Variants in TLE3 observed in about 807,000 individuals in gnomAD.
TLE3 encodes TLE family member 3, transcriptional corepressor.
A neutral mutation model predicts 93.0 loss-of-function variants in TLE3; 14 were observed. That is an observed-to-expected ratio of 0.15 (90% confidence interval 0.10 to 0.24). The LOEUF (loss-of-function observed/expected upper bound fraction) is 0.24, where lower values mean the gene tolerates loss of function less well. TLE3 is among the 10% of genes least tolerant of loss of function. The pLI, the probability that TLE3 is intolerant of heterozygous loss-of-function variation, is 1.00. For missense variants in TLE3, 693 were observed against 1,046.6 expected, an observed-to-expected ratio of 0.66 and a Z score of 4.66; for synonymous variants, 451 against 425.0, an observed-to-expected ratio of 1.06 and a Z score of -0.75.
Position 70,096,145 on chromosome 15 carries a change from C to T in TLE3, c.125+16G>A. Reference sequence around the variant, plus strand: ...CCCCTCCCCGCCAGCCCCGGGGCGGCCCCCACCGGCCTTACCTGTGATACT... The same window carrying T: ...CCCCTCCCCGCCAGCCCCGGGGCGGTCCCCACCGGCCTTACCTGTGATACT... On this transcript the variant is annotated intron_variant, in intron 2 of 19. Coordinates refer to ENST00000451782, the MANE Select transcript of TLE3 (RefSeq NM_001105192.3). 2 of 1,544,580 alleles carry T rather than the reference C, an allele frequency of 1.3e-6. No individual in the cohort carries two copies. Among genetic ancestry groups the T allele is most frequent in the Non-Finnish European group, 8.8e-7 (1 of 1,141,984 alleles).
intron 2 of TLE3, 167 bp downstream of exon 2, chr15:70,095,994 A>G: frequency 1.2e-6 from 1 of 843,406 alleles, no homozygotes; most frequent in East Asian, 2.7e-5. Context: ...TGCGGGCAGT[A>G]AAGGGTTAAG....
At chr15:70,083,110 C>T (rs1226355123) in intron 4 of TLE3, among the ~76,000 whole-genome samples, 1 of 152,168 alleles carries the variant, frequency 6.6e-6, no homozygotes, top group Non-Finnish European at 1.5e-5. Context: ...GAAGTCCAAT[C>T]TGAGTCCAGT....
chr15:70,076,588 G>A (rs2057457186), intron 4 of TLE3, among the ~76,000 whole-genome samples: 1 of 152,216 alleles, frequency 6.6e-6, no homozygotes, highest in African/African-American at 2.4e-5. Flanking sequence ...TGAGCTCTCA[G>A]ATAAATGGGA....
Position 70,049,933 on chromosome 15 carries a change from C to A in TLE3, c.*164G>T. On this transcript the variant is annotated 3_prime_UTR_variant, in exon 20 of 20. Transcript: ENST00000451782. ...ATCAATCCAGGCCCAGGAGTCCAGA[C>A]TGTGACGGGGCACGTGCCCTCTCAG... 1.7e-6 allele frequency: 1 copy of A among 605,076 alleles called. No individual in the cohort carries two copies. Among genetic ancestry groups the A allele is most frequent in the Non-Finnish European group, 3.0e-6 (1 of 337,766 alleles). 37.5% of individuals were successfully genotyped at this position (605,076 alleles called of 1,614,324 possible).
chr15:70,068,107 T>A (rs778969210), intron 6 of TLE3, among the ~76,000 whole-genome samples: 1 of 152,240 alleles, frequency 6.6e-6, no homozygotes, highest in African/African-American at 2.4e-5. Flanking sequence ...AAAATGTAAT[T>A]TTTAATATCT....
intron 19 of TLE3, chr15:70,050,530 C>T (rs527855762): frequency 4.6e-4 from 84 of 180,702 alleles, no homozygotes; most frequent in African/African-American, 1.8e-3. Context: ...GCTTCTCCTC[C>T]GAGTTTACAA....
chr15:70,076,301 T>C (rs2057443302), intron 4 of TLE3, 143 bp from the exon 5 acceptor site: 1 of 713,698 alleles, frequency 1.4e-6, no homozygotes, highest in Non-Finnish European at 2.4e-6. Flanking sequence ...GTCAGCCTCC[T>C]ACCAGGAGGC....
intron 19 of TLE3, 127 bp from the exon 20 acceptor site, chr15:70,050,331 C>G: frequency 6.9e-6 from 5 of 723,666 alleles, no homozygotes; most frequent in South Asian, 1.6e-5. Flanking sequence ...TCCTCTGCCC[C>G]TCTCTGATGC....
At chr15:70,092,963 A>G (rs1460158400) in intron 4 of TLE3, among the ~76,000 whole-genome samples, 1 of 152,176 alleles carries the variant, frequency 6.6e-6, no homozygotes, top group Admixed American at 6.5e-5. Context: ...GAAAAAAAAA[A>G]TTAAGACAGG....
At chr15:70,069,470 T>C (rs1379587052) in intron 6 of TLE3, among the ~76,000 whole-genome samples, 1 of 152,266 alleles carries the variant, frequency 6.6e-6, no homozygotes, top group African/African-American at 2.4e-5. Flanking sequence ...GCTGGTTTTC[T>C]GCCTTAGTGT....
At chr15:70,067,243 ACTT>A (rs1291721003) in intron 6 of TLE3, among the ~76,000 whole-genome samples, 2 of 151,960 alleles carry the variant, frequency 1.3e-5, no homozygotes, top group African/African-American at 4.8e-5. Flanking sequence ...GCCCCACCCA[ACTT>A]CTTCTCCACT....
intron 4 of TLE3, among the ~76,000 whole-genome samples, chr15:70,088,547 T>C (rs72749671): frequency 0.01 from 1,578 of 152,294 alleles, 13 homozygotes; most frequent in Middle Eastern, 0.024. Context: ...CCTTTAAGCA[T>C]ATAAAAACAA....
intron 12 of TLE3, 188 bp downstream of exon 12, chr15:70,057,966 TGTCTG>T: frequency 1.1e-6 from 1 of 925,242 alleles, no homozygotes; most frequent in East Asian, 2.7e-5. Flanking sequence ...GCTGCTTTCA[TGTCTG>T]GCCCAGCAGG....
chr15:70,078,913 AGG>A, intron 4 of TLE3, among the ~76,000 whole-genome samples: 1 of 152,340 alleles, frequency 6.6e-6, no homozygotes, highest in East Asian at 1.9e-4. Flanking sequence ...AAACAGGCCA[AGG>A]GTCAGGGTCT....
At chr15:70,086,400 T>A (rs538343041) in intron 4 of TLE3, among the ~76,000 whole-genome samples, 1 of 152,170 alleles carries the variant, frequency 6.6e-6, no homozygotes, top group Non-Finnish European at 1.5e-5. Flanking sequence ...AAGGGAAAGA[T>A]TTGGGAAGTG....
chr15:70,047,839 T>C lies in TLE3; in HGVS notation c.*2258A>G, dbSNP rs1191079152. 6.6e-6 allele frequency: 1 copy of C among 152,252 alleles called. No homozygotes were observed. Among genetic ancestry groups the C allele is most frequent in the South Asian group, 2.1e-4 (1 of 4,832 alleles). 9.4% of individuals were successfully genotyped at this position (152,252 alleles called of 1,614,324 possible). On this transcript the variant is annotated 3_prime_UTR_variant, in exon 20 of 20. Coordinates refer to ENST00000451782, the MANE Select transcript of TLE3 (RefSeq NM_001105192.3). ...AATTTTTTTCCAAAAAAGTTTTGCA[T>C]TGACAGCTGTACAATACTTTGGTGT...
intron 2 of TLE3, 149 bp from the exon 3 acceptor site, chr15:70,095,790 GA>G: frequency 2.1e-6 from 2 of 958,236 alleles, no homozygotes; most frequent in Admixed American, 6.0e-5. Context: ...GACGCGGGGG[GA>G]TTTGGGTCCC....
intron 19 of TLE3, 54 bp downstream of exon 19, chr15:70,051,337 C>G (rs114342007): frequency 1.3e-6 from 2 of 1,533,202 alleles, no homozygotes; most frequent in Non-Finnish European, 1.8e-6. Context: ...ATCACCATCA[C>G]CAAGTTTCAA....
chr15:70,094,800 G>T lies in TLE3; in HGVS notation c.190-224C>A, dbSNP rs2058471480. 7.6e-6 allele frequency: 4 copies of T among 525,274 alleles called. No individual in the cohort carries two copies. In the South Asian group the frequency reaches 1.1e-4, roughly 14 times the overall value. The allele number at this position is 525,274 out of a possible 1,614,324, so 32.5% of individuals were successfully genotyped here. On this transcript the variant is annotated intron_variant, in intron 3 of 19. Coordinates refer to ENST00000451782, the MANE Select transcript of TLE3 (RefSeq NM_001105192.3). ...AACGTTATATTATGTGGTAGTAAGG[G>T]GAGCTGGGCCTTCCCTCCCACAAGC...
Sources: gnomAD v4.1 joint callset for allele counts (sites outside exome capture counted in the v4.1 genomes callset) on GRCh38, gnomAD v4.1.1 for gene constraint, MANE v1.5 for transcripts, NCBI Gene and HGNC (gene_info 2026-07-23, HGNC 2026-07-21) for gene names.